The following CEP350 variants were observed in gnomAD, a reference collection of about 807,000 sequenced individuals.
CEP350 encodes the protein centrosome-associated protein 350.
A neutral mutation model predicts 331.8 loss-of-function variants in CEP350; 126 were observed. The ratio of observed to expected loss-of-function variants is 0.38; its 90% CI spans 0.33 to 0.44. CEP350 has a LOEUF of 0.44. CEP350 is among the 20% of genes least tolerant of loss of function. The pLI is 1.00. For missense variants in CEP350, 3,406 were observed against 3,634.6 expected, an observed-to-expected ratio of 0.94 and a Z score of 1.62; for synonymous variants, 1,200 against 1,259.5, an observed-to-expected ratio of 0.95 and a Z score of 1.00.
chr1:179,977,626 A>C (rs1048749950), intron 1 of CEP350, among the ~76,000 whole-genome samples: 1 of 152,200 alleles, frequency 6.6e-6, no homozygotes, highest in Non-Finnish European at 1.5e-5. Flanking sequence ...GGCAGACAGT[A>C]AGCCTCAGAA....
At position 180,036,928 on chromosome 1, in the gene CEP350, T is replaced by G; in HGVS notation, c.3949T>G (p.Ser1317Ala). 1 of 1,563,552 alleles carries G rather than the reference T, an allele frequency of 6.4e-7. No homozygotes were observed. The highest frequency in any genetic ancestry group is 1.2e-5 in the South Asian group (1 of 81,680). ...TTGACCATTGTCATGCCTTCCAGGT[T>G]CTAAGCGCTTTTCTCCTGCTGGCCT... ...TTENMAPIPG[S>A]KRFSPAGLHH... The change falls in exon 17 of 38, where the codon TCT becomes GCT. Residue 1317 changes from serine (S) to alanine (A), a missense_variant and splice_region_variant. By Grantham distance (99) the Ser-to-Ala change is moderately conservative. This residue lies in a region of CEP350 where 1,857 missense variants were observed against 1,909.2 expected (regional missense o/e 0.97). Transcript: ENST00000367607.
At position 180,009,253 on chromosome 1, in the gene CEP350, G is replaced by A. The variant is rs535804605; in HGVS notation, c.1247-2676G>A. Among the ~76,000 whole-genome samples, 124 of 152,290 alleles carry A rather than the reference G, an allele frequency of 8.1e-4. 2 individuals are homozygous for A. Among genetic ancestry groups the A allele is most frequent in the African/African-American group, 2.6e-3 (110 of 41,574 alleles). ...TTGAACTCCTGGCCTCAAGCGATCC[G>A]CCTGCCTTAGCCTCCCAAAGTTTTG... is the stretch of plus-strand genomic sequence containing the variant. On this transcript the variant is annotated intron_variant, in intron 8 of 37. Coordinates refer to ENST00000367607, the MANE Select transcript of CEP350 (RefSeq NM_014810.5).
At chr1:179,969,295 T>A (rs371621710) in intron 1 of CEP350, 6 of 498,808 alleles carry the variant, frequency 1.2e-5, no homozygotes, top group African/African-American at 9.7e-5. Context: ...CTGAAAACGC[T>A]GTGACCAAGG....
intron 5 of CEP350, among the ~76,000 whole-genome samples, chr1:179,995,089 G>A (rs1025881573): frequency 4.6e-5 from 7 of 152,182 alleles, no homozygotes; most frequent in African/African-American, 1.7e-4. Flanking sequence ...AACCCAGTAT[G>A]TAGCTTACAT....
intron 27 of CEP350, among the ~76,000 whole-genome samples, chr1:180,071,419 A>G (rs1658885554): frequency 6.7e-6 from 1 of 149,458 alleles, no homozygotes; most frequent in Non-Finnish European, 1.5e-5. Context: ...AGGTCGCACC[A>G]TTGCACTCTA....
Position 180,041,678 on chromosome 1 carries a change from T to C in CEP350, c.4238T>C (p.Leu1413Ser), listed in dbSNP as rs1172585536. Residue 1413 changes from leucine (L) to serine (S), a missense_variant, in exon 19 of 38, where the codon TTA (leucine) becomes TCA (serine). Transcript: ENST00000367607. ...NKAAQVHAESLQQVVQSQREV... is the reference protein window; with the variant it reads ...NKAAQVHAESSQQVVQSQREV... ...TATTTAAAGGTCCATGCAGAATCAT[T>C]ACAGCAGGTGGTTCAATCACAACGG... 1 of 1,613,756 alleles carries C rather than the reference T, an allele frequency of 6.2e-7. No homozygotes were observed. Among genetic ancestry groups the C allele is most frequent in the Admixed American group, 1.7e-5 (1 of 59,974 alleles).
At chr1:180,052,451 G>T in intron 22 of CEP350, 1 of 285,886 alleles carries the variant, frequency 3.5e-6, no homozygotes, top group South Asian at 3.0e-5. Context: ...GGAGTATCTT[G>T]TAGTACCAGA....
At chr1:180,097,480 C>CGTTG (rs764268411) in intron 36 of CEP350, among the ~76,000 whole-genome samples, 1 of 152,114 alleles carries the variant, frequency 6.6e-6, no homozygotes, top group Non-Finnish European at 1.5e-5. Flanking sequence ...TTTCCGGGCA[C>CGTTG]GTTGGTACTT....
rs145614126 is a variant in CEP350, at chr1:180,007,327, T to G, written c.1246+760T>G. Among the ~76,000 whole-genome samples the G allele has an allele frequency of 8.0e-3, 1,213 of 152,378 alleles. 10 individuals are homozygous for G. Among genetic ancestry groups the G allele is most frequent in the South Asian group, 0.023 (109 of 4,830 alleles). On this transcript the variant is annotated intron_variant, in intron 8 of 37. Transcript: ENST00000367607. The stretch of plus-strand genomic sequence containing the variant: ...CTAACTGGCATGAGATGGTATCTCT[T>G]TGTGGTTTTGATTTGCATTTCTCTA...
At chr1:180,064,980 G>A (rs1449328707) in intron 26 of CEP350, 135 bp from the exon 27 acceptor site, 1 of 887,064 alleles carries the variant, frequency 1.1e-6, no homozygotes, top group Non-Finnish European at 1.6e-6. Flanking sequence ...GATATATTTT[G>A]TCCTTTATTA....
At chr1:180,023,145 T>C (rs1321398725) in intron 13 of CEP350, among the ~76,000 whole-genome samples, 1 of 152,066 alleles carries the variant, frequency 6.6e-6, no homozygotes, top group Non-Finnish European at 1.5e-5. Context: ...AGAGTTGTTA[T>C]GAGTATTAAA....
intron 6 of CEP350, among the ~76,000 whole-genome samples, chr1:180,001,751 A>G (rs1653882137): frequency 6.6e-6 from 1 of 152,226 alleles, no homozygotes; most frequent in Admixed American, 6.5e-5. Flanking sequence ...AGATGGTAGC[A>G]ATTATAATGC....
At chr1:180,033,738 C>T in intron 15 of CEP350, 124 bp from the exon 16 acceptor site, 2 of 921,738 alleles carry the variant, frequency 2.2e-6, no homozygotes, top group South Asian at 1.8e-5. Context: ...TGAATAAATG[C>T]CTAAATCACA....
At chr1:180,077,600 G>A (rs1287837630) in intron 28 of CEP350, among the ~76,000 whole-genome samples, 1 of 149,134 alleles carries the variant, frequency 6.7e-6, no homozygotes, top group Admixed American at 6.8e-5. Flanking sequence ...CTGGGAGGTC[G>A]AGGCTGCAGT....
In CEP350 at chr1:180,105,080, AGTCAAG is replaced by A. The variant is rs1319003837; in HGVS notation, c.9190-5914_9190-5909del. The stretch of plus-strand genomic sequence containing the variant: ...TCTGTCTTTCATGAAACCAAACTCC[AGTCAAG>A]GTTTTACCTCATCCATGCCACCAAA... On this transcript the variant is annotated intron_variant, in intron 37 of 37. Transcript: ENST00000367607. 2.0e-5 allele frequency among the ~76,000 whole-genome samples: 3 copies of A among 152,028 alleles called. No individual in the cohort carries two copies. In the East Asian group the frequency reaches 5.8e-4, roughly 30 times the overall value.
chr1:179,966,810 A>G (rs1163208044), intron 1 of CEP350, among the ~76,000 whole-genome samples: 8 of 152,230 alleles, frequency 5.3e-5, no homozygotes, highest in Admixed American at 1.3e-4. Flanking sequence ...TGATAGCTCA[A>G]ATGCACACTG....
intron 14 of CEP350, among the ~76,000 whole-genome samples, chr1:180,027,373 T>C (rs1315290626): frequency 6.6e-6 from 1 of 152,132 alleles, no homozygotes; most frequent in African/African-American, 2.4e-5. Context: ...CTATTCTGTT[T>C]TGGCTTTTTT....
rs918408046 is a variant in CEP350, at chr1:179,954,832, C to G, written c.-324C>G. 4.7e-6 allele frequency: 2 copies of G among 428,862 alleles called. No homozygotes were observed. Among genetic ancestry groups the G allele is most frequent in the African/African-American group, 2.0e-5 (1 of 48,938 alleles). 26.6% of individuals were successfully genotyped at this position (428,862 alleles called of 1,614,324 possible). On this transcript the variant is annotated 5_prime_UTR_variant, in exon 1 of 38. Transcript: ENST00000367607. Reference sequence around the variant, plus strand: ...GTCAGTTGTTGGGCTGTAATGGCGACTGGGCCGCCCCTGACGAAGTGACTC... The same window carrying G: ...GTCAGTTGTTGGGCTGTAATGGCGAGTGGGCCGCCCCTGACGAAGTGACTC...
intron 3 of CEP350, among the ~76,000 whole-genome samples, 180 bp downstream of exon 3, chr1:179,987,466 C>T (rs1371375108): frequency 6.8e-6 from 1 of 146,468 alleles, no homozygotes; most frequent in Non-Finnish European, 1.5e-5. Context: ...AATATATATA[C>T]TATATACAGT....
Sources: gnomAD v4.1 joint callset for allele counts (sites outside exome capture counted in the v4.1 genomes callset) on GRCh38, gnomAD v4.1.1 for gene constraint, gnomAD v4.1.1 regional missense constraint, MANE v1.5 for transcripts, NCBI Gene and HGNC (gene_info 2026-07-23, HGNC 2026-07-21) for gene names.